Variants in IGF2R observed in about 807,000 individuals in gnomAD.
IGF2R encodes insulin like growth factor 2 receptor.
IGF2R carries 91 observed loss-of-function variants against 270.6 expected under a neutral mutation model. The observed-to-expected ratio is 0.34, with a 90% confidence interval of 0.28 to 0.40. The LOEUF is 0.40. IGF2R is among the 10% of genes least tolerant of loss of function. The pLI, the probability that IGF2R is intolerant of heterozygous loss-of-function variation, is 1.00. For missense variants in IGF2R, 2,805 were observed against 3,188.3 expected, an observed-to-expected ratio of 0.88 and a Z score of 2.90; for synonymous variants, 1,316 against 1,258.9, an observed-to-expected ratio of 1.05 and a Z score of -0.96.
chr6:160,006,980 A>G (rs1004657124), intron 2 of IGF2R: 16 of 143,324 alleles, frequency 1.1e-4, no homozygotes, highest in South Asian at 1.1e-3. Flanking sequence ...CAACTAAGTT[A>G]TCTTCCTATG....
chr6:160,034,525 AAGTGTGCGCTGG>A lies in IGF2R; in HGVS notation c.1315+7_1315+18del. On this transcript the variant is annotated splice_donor_5th_base_variant and intron_variant, in intron 10 of 47. Coordinates refer to ENST00000356956, the MANE Select transcript of IGF2R (RefSeq NM_000876.4). ...CTTTGAGTGCAATAAAACCGCAGGT[AAGTGTGCGCTGG>A]AGTTCAGCCCCTCCTCTTTGCATTC... 6.3e-7 allele frequency: 1 copy of A among 1,588,186 alleles called. No homozygotes were observed.
intron 1 of IGF2R, among the ~76,000 whole-genome samples, chr6:159,975,705 G>A (rs9456488): frequency 0.25 from 35,203 of 143,186 alleles, 4,597 homozygotes; most frequent in East Asian, 0.49. Context: ...TATATATAAA[G>A]TATATGTATT....
At chr6:159,988,406 G>A (rs146190218) in intron 1 of IGF2R, among the ~76,000 whole-genome samples, 4 of 151,384 alleles carry the variant, frequency 2.6e-5, no homozygotes, top group Non-Finnish European at 5.9e-5. Context: ...TGCCAGCTAC[G>A]GGAGGCTGAG....
At chr6:160,089,061 T>C (rs1189602825) in intron 42 of IGF2R, 46 bp from the exon 43 acceptor site, 3 of 1,590,386 alleles carry the variant, frequency 1.9e-6, no homozygotes, top group African/African-American at 1.3e-5. Context: ...TCTTCCCTTA[T>C]GTCTGGCTGG....
intron 45 of IGF2R, among the ~76,000 whole-genome samples, chr6:160,097,913 T>A (rs1251807572): frequency 1.3e-5 from 2 of 152,200 alleles, no homozygotes; most frequent in Non-Finnish European, 2.9e-5. Context: ...AGCTGCACAG[T>A]CAGGGAAAGA....
chr6:160,064,456 G>C lies in IGF2R; in HGVS notation c.3942G>C (p.Thr1314=), dbSNP rs371109078. 1.6e-5 allele frequency: 25 copies of C among 1,611,866 alleles called. No homozygotes were observed. The highest frequency in any genetic ancestry group is 2.2e-5 in the East Asian group (1 of 44,874). Residue 1314 remains threonine (T), a synonymous_variant, in exon 28 of 48, where the codon ACG becomes ACC. Transcript: ENST00000356956. The part of the protein sequence containing the change: ...YENGLLKMNF[T]GGDTCHKVYQ... ...ATGGCTTGTTAAAAATGAACTTCAC[G>C]GGGGGGGACACTTGCCATAAGGTTT...
chr6:160,061,950 G>T (rs1583286138), intron 25 of IGF2R, 22 bp downstream of exon 25: 1 of 1,609,216 alleles, frequency 6.2e-7, no homozygotes, highest in South Asian at 1.1e-5. Flanking sequence ...GACCAGCAAT[G>T]AGATGTTGTC....
intron 19 of IGF2R, among the ~76,000 whole-genome samples, chr6:160,052,419 C>T (rs1247932375): frequency 6.6e-6 from 1 of 152,064 alleles, no homozygotes; most frequent in Non-Finnish European, 1.5e-5. Flanking sequence ...AACCACTGCT[C>T]AAGGAAATAA....
At chr6:160,012,669 C>T (rs1040179690) in intron 4 of IGF2R, among the ~76,000 whole-genome samples, 15 of 151,260 alleles carry the variant, frequency 9.9e-5, no homozygotes, top group African/African-American at 3.6e-4. Flanking sequence ...TTGAGGATTA[C>T]AATTTGACAC....
At chr6:159,973,368 G>C (rs561184405) in intron 1 of IGF2R, among the ~76,000 whole-genome samples, 3 of 152,170 alleles carry the variant, frequency 2.0e-5, no homozygotes, top group Non-Finnish European at 4.4e-5. Flanking sequence ...ATAAAATAAT[G>C]CTTTGGGATG....
Position 160,050,579 on chromosome 6 carries a change from C to T in IGF2R, c.2621C>T (p.Ala874Val), listed in dbSNP as rs1015854762. 10 of 1,613,970 alleles carry T rather than the reference C, an allele frequency of 6.2e-6. No homozygotes were observed. In the African/African-American group the frequency reaches 9.3e-5, roughly 15 times the overall value. The change falls in exon 19 of 48, where the codon GCC (alanine) becomes GTC (valine). Residue 874 changes from alanine to valine, a missense_variant. Transcript: ENST00000356956. This position sits in a 1 kb window ranked among gnomAD's most constrained non-coding sequence, Gnocchi z 4.0. ...SLLLEYVNGS[A>V]CTTSDGRQTT... The stretch of plus-strand genomic sequence containing the variant: ...CTTCTGGAATACGTGAATGGGTCGG[C>T]CTGCACCACCAGCGATGGCAGACAG...
At chr6:160,037,841 T>G (rs1465111976) in intron 10 of IGF2R, among the ~76,000 whole-genome samples, 1 of 152,194 alleles carries the variant, frequency 6.6e-6, no homozygotes, top group African/African-American at 2.4e-5. Context: ...AGACCTACGC[T>G]TTTTCCATCC....
chr6:160,027,345 T>C, intron 6 of IGF2R, 31 bp downstream of exon 6: 4 of 1,586,954 alleles, frequency 2.5e-6, no homozygotes, highest in Non-Finnish European at 3.4e-6. Flanking sequence ...CTGTTGGCGT[T>C]TTTAATCTCC....
intron 39 of IGF2R, among the ~76,000 whole-genome samples, chr6:160,080,644 G>T (rs547224911): frequency 6.6e-6 from 1 of 152,074 alleles, no homozygotes; most frequent in Non-Finnish European, 1.5e-5. Flanking sequence ...TGAGGATTCC[G>T]GTAAACCAGG....
chr6:160,103,564 C>T (rs1046094827), intron 46 of IGF2R, among the ~76,000 whole-genome samples, 182 bp from the exon 47 acceptor site: 2 of 152,042 alleles, frequency 1.3e-5, no homozygotes, highest in African/African-American at 2.4e-5. Context: ...CACTCAATCA[C>T]AACAAATACA....
intron 44 of IGF2R, chr6:160,095,099 T>C (rs1222305521): frequency 6.6e-6 from 1 of 152,194 alleles, no homozygotes; most frequent in Non-Finnish European, 1.5e-5. Flanking sequence ...CACGTCACTC[T>C]ACCTCTGGCC....
chr6:159,990,907 C>G (rs538388890), intron 1 of IGF2R, among the ~76,000 whole-genome samples: 6 of 152,200 alleles, frequency 3.9e-5, no homozygotes, highest in Admixed American at 6.5e-5. Context: ...GGATTACAGA[C>G]GTGAGCCACC....
chr6:160,064,734 C>A, intron 28 of IGF2R, 70 bp from the exon 29 acceptor site: 2 of 1,227,018 alleles, frequency 1.6e-6, no homozygotes, highest in Non-Finnish European at 2.4e-6. Flanking sequence ...TATTTTCATT[C>A]TTAAAACTCA....
Position 160,061,561 on chromosome 6 carries a change from G to A in IGF2R, c.3321G>A (p.Thr1107=), listed in dbSNP as rs964107312. ...TGLSTVRKPW[T]AVDTSVDGRK... Reference sequence around the variant, plus strand: ...TAAGCACAGTCAGGAAACCTTGGACGGCTGTTGACACCTCTGTCGATGGGA... The same window carrying A: ...TAAGCACAGTCAGGAAACCTTGGACAGCTGTTGACACCTCTGTCGATGGGA... Residue 1107 remains threonine (T), a synonymous_variant, in exon 24 of 48, where the codon ACG becomes ACA. Coordinates refer to ENST00000356956, the MANE Select transcript of IGF2R (RefSeq NM_000876.4). 3.7e-6 allele frequency: 6 copies of A among 1,613,872 alleles called. No individual in the cohort carries two copies. Among genetic ancestry groups the A allele is most frequent in the East Asian group, 4.5e-5 (2 of 44,890 alleles).
Sources: allele counts gnomAD v4.1 joint callset (sites outside exome capture counted in the v4.1 genomes callset), GRCh38; gene constraint gnomAD v4.1.1; non-coding constraint Gnocchi (gnomAD v3.1); transcripts MANE v1.5; gene names NCBI Gene and HGNC (gene_info 2026-07-23, HGNC 2026-07-21).